RFC3: variants seen among roughly 807,000 people sequenced by gnomAD.
The protein encoded by RFC3 is A1 38 kDa subunit.
RFC3 carries 41 observed loss-of-function variants against 45.1 expected under a neutral mutation model. The observed-to-expected ratio is 0.91, with a 90% CI of 0.71 to 1.18. The LOEUF (loss-of-function observed/expected upper bound fraction) is 1.18. Among genes scored for constraint, RFC3 ranks in the 50% most tolerant of loss-of-function variants. The pLI is 0.00. For synonymous variants in RFC3, 149 were observed against 144.0 expected (o/e 1.03, Z -0.25); for missense variants, 423 against 428.1 (o/e 0.99, Z 0.10).
intron 8 of RFC3, chr13:33,850,209 C>A (rs1405825682): frequency 6.6e-6 from 1 of 151,996 alleles, no homozygotes; most frequent in African/African-American, 2.4e-5. Context: ...TATTATTTTA[C>A]ACAGTTTTTT....
chr13:33,931,058 T>C (rs145384117), intron 8 of RFC3, among the ~76,000 whole-genome samples: 296 of 152,264 alleles, frequency 1.9e-3, no homozygotes, highest in Middle Eastern at 3.4e-3. Context: ...TTACATGATA[T>C]GTAGGACTTA....
intron 8 of RFC3, among the ~76,000 whole-genome samples, chr13:33,893,976 A>G (rs944985643): frequency 6.6e-6 from 1 of 152,148 alleles, no homozygotes; most frequent in Admixed American, 6.6e-5. Flanking sequence ...AAACAAACAA[A>G]CAAACAAAAA....
At chr13:33,873,172 G>A (rs2082423532) in intron 8 of RFC3, among the ~76,000 whole-genome samples, 1 of 152,228 alleles carries the variant, frequency 6.6e-6, no homozygotes, top group African/African-American at 2.4e-5. Flanking sequence ...ACAATGGGGT[G>A]GAGGAGGCAT....
chr13:33,926,900 G>A (rs2082817538), intron 8 of RFC3, among the ~76,000 whole-genome samples: 1 of 150,784 alleles, frequency 6.6e-6, no homozygotes, highest in African/African-American at 2.4e-5. Flanking sequence ...CATTCTGAGA[G>A]GAAATGATTA....
chr13:33,835,605 C>A (rs964058977), intron 8 of RFC3: 1 of 391,928 alleles, frequency 2.6e-6, no homozygotes, highest in African/African-American at 2.1e-5. Context: ...CTTTTCTATT[C>A]ACATAGAAAC....
chr13:33,973,961 C>T, the RFC3 span, among the ~76,000 whole-genome samples: 1 of 152,084 alleles, frequency 6.6e-6, no homozygotes, highest in Non-Finnish European at 1.5e-5. Flanking sequence ...GATTGTCTCT[C>T]CAGCATAGTA....
chr13:33,841,047 C>G (rs1253518865), downstream of RFC3, among the ~76,000 whole-genome samples: 1 of 152,172 alleles, frequency 6.6e-6, no homozygotes, highest in Non-Finnish European at 1.5e-5. Flanking sequence ...GAGACTATTA[C>G]CACCTGAGCT....
At chr13:33,968,330 G>GT (rs2083097248), downstream of RFC3, among the ~76,000 whole-genome samples, 1 of 152,170 alleles carries the variant, frequency 6.6e-6, no homozygotes, top group South Asian at 2.1e-4. Context: ...GTTTCACAAT[G>GT]TTGGCCAGGC....
chr13:33,957,769 C>T (rs772599621), intron 8 of RFC3, among the ~76,000 whole-genome samples: 3 of 152,098 alleles, frequency 2.0e-5, no homozygotes, highest in Non-Finnish European at 2.9e-5. Context: ...TTCTGTACAC[C>T]GTGGATGGTG....
intron 8 of RFC3, among the ~76,000 whole-genome samples, chr13:33,918,230 G>T (rs2082745691): frequency 6.6e-6 from 1 of 152,132 alleles, no homozygotes; most frequent in Non-Finnish European, 1.5e-5. Context: ...ACATGCTGCA[G>T]ATGCCTTAGT....
chr13:33,918,887 G>T (rs779166771), intron 8 of RFC3, among the ~76,000 whole-genome samples: 5 of 152,094 alleles, frequency 3.3e-5, no homozygotes, highest in Non-Finnish European at 7.4e-5. Flanking sequence ...GTTTTTATGG[G>T]CCTCATCATG....
intron 8 of RFC3, among the ~76,000 whole-genome samples, chr13:33,861,399 G>A (rs1482013582): frequency 2.0e-5 from 3 of 152,060 alleles, no homozygotes; most frequent in Admixed American, 6.5e-5. Flanking sequence ...AGGCCGAGGC[G>A]GGCAGATCGC....
At chr13:33,941,469 T>C (rs1053372705) in intron 8 of RFC3, among the ~76,000 whole-genome samples, 1 of 152,196 alleles carries the variant, frequency 6.6e-6, no homozygotes, top group Non-Finnish European at 1.5e-5. Flanking sequence ...TCTTAATTTG[T>C]ATTTGTCTGC....
intron 8 of RFC3, among the ~76,000 whole-genome samples, chr13:33,946,585 A>C (rs2082955878): frequency 1.3e-5 from 2 of 152,362 alleles, no homozygotes; most frequent in South Asian, 4.1e-4. Context: ...TCTAAAATGA[A>C]AATATTTTGT....
chr13:33,900,845 A>AT (rs1430229844), intron 8 of RFC3, among the ~76,000 whole-genome samples: 24 of 151,576 alleles, frequency 1.6e-4, no homozygotes, highest in South Asian at 1.0e-3. Flanking sequence ...AAAAAAAAAA[A>AT]AATAATAAAT....
At chr13:33,920,899 T>A (rs2082764678) in intron 8 of RFC3, among the ~76,000 whole-genome samples, 1 of 152,128 alleles carries the variant, frequency 6.6e-6, no homozygotes, top group Non-Finnish European at 1.5e-5. Flanking sequence ...GTTCATATTA[T>A]GAGTCTTATT....
rs1348669486 is a variant in RFC3 at position 33,821,261 on chromosome 13, A to T, written c.217A>T (p.Thr73Ser). ...GVEKLRIEHQ[T>S]ITTPSKKKIE... ...GGAAAAATTGAGAATTGAACATCAG[A>T]CCATCACAGTAAGCATTTCACTTTG... Residue 73 changes from threonine (T) to serine (S), a missense_variant, in exon 2 of 9, where the codon ACC becomes TCC. Physicochemically the swap from Thr to Ser is moderately conservative, Grantham distance 58. Transcript: ENST00000380071. The T allele has an allele frequency of 1.2e-6, 2 of 1,613,428 alleles. No homozygotes were observed. Among genetic ancestry groups the T allele is most frequent in the Non-Finnish European group, 1.7e-6 (2 of 1,179,498 alleles).
chr13:33,959,660 A>G (rs1172281188), intron 8 of RFC3, among the ~76,000 whole-genome samples: 1 of 152,148 alleles, frequency 6.6e-6, no homozygotes, highest in Non-Finnish European at 1.5e-5. Context: ...TCCACCAGAC[A>G]GTGATCTCTG....
At chr13:33,971,426 A>G (rs947637422), downstream of RFC3, among the ~76,000 whole-genome samples, 4 of 152,134 alleles carry the variant, frequency 2.6e-5, no homozygotes, top group African/African-American at 9.6e-5. Flanking sequence ...AAATCTGTTC[A>G]TGCAGAAACA....
Sources: allele counts gnomAD v4.1 joint callset (sites outside exome capture counted in the v4.1 genomes callset), GRCh38; gene constraint gnomAD v4.1.1; transcripts MANE v1.5; gene names NCBI Gene and HGNC (gene_info 2026-07-23, HGNC 2026-07-21).